The following DOCK3 variants were observed in gnomAD, a reference collection of about 807,000 sequenced individuals.
The protein encoded by DOCK3 is dedicator of cytokinesis 3.
Under a neutral mutation model 265.6 loss-of-function variants are expected in DOCK3, and 60 were observed. The ratio of observed to expected loss-of-function variants is 0.23; its 90% confidence interval spans 0.18 to 0.28. The LOEUF is 0.28. Among genes scored for constraint, DOCK3 ranks in the 10% least tolerant of loss-of-function variants. The pLI is 1.00. For missense variants in DOCK3, 1,981 were observed against 2,594.3 expected (o/e 0.76, Z 5.14); for synonymous variants, 881 against 938.0 (o/e 0.94, Z 1.11).
chr3:50,938,966 A>C (rs2051547448), intron 5 of DOCK3, among the ~76,000 whole-genome samples: 1 of 151,884 alleles, frequency 6.6e-6, no homozygotes, highest in African/African-American at 2.4e-5. Flanking sequence ...GAAATTTAAA[A>C]AATAGAAAAG....
At chr3:50,790,199 A>T (rs2042394884) in intron 2 of DOCK3, among the ~76,000 whole-genome samples, 1 of 152,014 alleles carries the variant, frequency 6.6e-6, no homozygotes, top group African/African-American at 2.4e-5. Flanking sequence ...ATGAGTCCTT[A>T]TATGTTAGGT....
At position 50,854,592 on chromosome 3, in the gene DOCK3, G is replaced by GTTTTTTTTTTT. The variant is rs71084118; in HGVS notation, c.162+12885_162+12895dup. On this transcript the variant is annotated intron_variant, in intron 3 of 52. Coordinates refer to ENST00000266037, the MANE Select transcript of DOCK3 (RefSeq NM_004947.5). ...GCTACAGATGAGCACCATCACACCA[G>GTTTTTTTTTTT]TTTTTTTTTTTTTTTTTTGGTGGTC... Among the ~76,000 whole-genome samples the GTTTTTTTTTTT allele has an allele frequency of 1.6e-3, 76 of 47,214 alleles. 30 individuals carry two copies. Among genetic ancestry groups the GTTTTTTTTTTT allele is most frequent in the South Asian group, 2.8e-3 (2 of 704 alleles). 31.0% of individuals were successfully genotyped at this position (47,214 alleles called of 152,430 possible). A position where few individuals can be genotyped will look rare whatever the true frequency, so the allele number is the denominator to read the frequency against.
At chr3:51,283,960 G>C (rs2081278648) in intron 27 of DOCK3, among the ~76,000 whole-genome samples, 1 of 152,058 alleles carries the variant, frequency 6.6e-6, no homozygotes, top group Non-Finnish European at 1.5e-5. Flanking sequence ...CTACTTGGTG[G>C]TCTGGCTTCT....
intron 4 of DOCK3, among the ~76,000 whole-genome samples, chr3:50,919,983 CCTTTTCTGCAT>C (rs2050349836): frequency 6.6e-6 from 1 of 152,062 alleles, no homozygotes; most frequent in South Asian, 2.1e-4. Flanking sequence ...TTGTCAAAGG[CCTTTTCTGCAT>C]CTATTGAGAT....
intron 3 of DOCK3, among the ~76,000 whole-genome samples, chr3:50,857,833 G>C (rs1056520489): frequency 1.3e-5 from 2 of 152,222 alleles, no homozygotes; most frequent in African/African-American, 4.8e-5. Context: ...GTTGGTGGGA[G>C]TGTAAACTAG....
At chr3:51,167,723 T>G (rs1405497761) in intron 12 of DOCK3, among the ~76,000 whole-genome samples, 1 of 152,208 alleles carries the variant, frequency 6.6e-6, no homozygotes, top group Non-Finnish European at 1.5e-5. Flanking sequence ...TAAATGACAT[T>G]GTTTTCTTAA....
intron 27 of DOCK3, among the ~76,000 whole-genome samples, chr3:51,300,946 T>C (rs980038624): frequency 3.3e-5 from 5 of 152,214 alleles, no homozygotes; most frequent in African/African-American, 1.2e-4. Context: ...GTCCATCCTT[T>C]TCAGTTGCTT....
chr3:51,223,495 G>A (rs1466629243), intron 14 of DOCK3, among the ~76,000 whole-genome samples: 1 of 151,904 alleles, frequency 6.6e-6, no homozygotes, highest in Non-Finnish European at 1.5e-5. Flanking sequence ...TTTAGATTAA[G>A]CATTAAAATT....
rs151125907 is a variant in DOCK3 at position 50,851,454 on chromosome 3, G to A, written c.162+9739G>A. ...CAAATGCCTGGAGATCTTCCTGGGC[G>A]TGGAGTGGAGAAGGTCTTGCTGCAC... On this transcript the variant is annotated intron_variant, in intron 3 of 52. Coordinates refer to ENST00000266037, the MANE Select transcript of DOCK3 (RefSeq NM_004947.5). 2.1e-3 allele frequency among the ~76,000 whole-genome samples: 327 copies of A among 152,260 alleles called. 2 individuals carry two copies. The highest frequency in any genetic ancestry group is 0.02 in the Middle Eastern group (6 of 294).
chr3:50,702,385 A>G (rs1034393150), intron 1 of DOCK3, among the ~76,000 whole-genome samples: 5 of 151,450 alleles, frequency 3.3e-5, no homozygotes, highest in African/African-American at 7.3e-5. Context: ...TTTTTTTTAG[A>G]TAGAGTCTTG....
At chr3:51,319,036 C>T (rs2083524104) in intron 32 of DOCK3, among the ~76,000 whole-genome samples, 1 of 151,990 alleles carries the variant, frequency 6.6e-6, no homozygotes, top group Non-Finnish European at 1.5e-5. Context: ...CTATATATCT[C>T]TTATTTTTCT....
chr3:50,991,500 A>G (rs1464680715), intron 5 of DOCK3, among the ~76,000 whole-genome samples: 1 of 152,250 alleles, frequency 6.6e-6, no homozygotes. Flanking sequence ...CAAGGGCATT[A>G]TATCATCATA....
At chr3:51,152,757 T>A (rs4422345) in intron 10 of DOCK3, among the ~76,000 whole-genome samples, 138,830 of 152,274 alleles carry the variant, frequency 0.91, 63,438 homozygotes, top group African/African-American at 0.95. Context: ...CAAGTCCCTC[T>A]GCTGCAGGTC....
At chr3:50,911,165 A>T (rs1178767395) in intron 4 of DOCK3, among the ~76,000 whole-genome samples, 1 of 151,962 alleles carries the variant, frequency 6.6e-6, no homozygotes, top group Non-Finnish European at 1.5e-5. Context: ...TTAGCTTGTT[A>T]TCATCCCATT....
intron 12 of DOCK3, among the ~76,000 whole-genome samples, chr3:51,180,341 A>G (rs2087217124): frequency 6.6e-6 from 1 of 152,128 alleles, no homozygotes; most frequent in African/African-American, 2.4e-5. Flanking sequence ...CTTCTGTAGC[A>G]TATCACAAAT....
At chr3:50,749,821 G>A (rs936614610) in intron 1 of DOCK3, among the ~76,000 whole-genome samples, 1 of 152,204 alleles carries the variant, frequency 6.6e-6, no homozygotes, top group African/African-American at 2.4e-5. Context: ...TTAAGGTAGT[G>A]TTTAACTGAC....
In DOCK3 at chr3:51,123,087, A is replaced by G. The variant is rs540935555; in HGVS notation, c.747-23462A>G. Among the ~76,000 whole-genome samples the G allele has an allele frequency of 1.7e-4, 26 of 152,206 alleles. No homozygotes were observed. In the South Asian group the frequency reaches 4.6e-3, roughly 27 times the overall value. On this transcript the variant is annotated intron_variant, in intron 9 of 52. Transcript: ENST00000266037. ...CATTTTATCCACCTACTCTGGCTCC[A>G]CACTTTGCTCCTGACCAGGGTGTGG...
At chr3:50,762,462 A>T (rs1452648854) in intron 1 of DOCK3, among the ~76,000 whole-genome samples, 1 of 152,148 alleles carries the variant, frequency 6.6e-6, no homozygotes, top group African/African-American at 2.4e-5. Context: ...TATGGTGGTC[A>T]TTGTGCACGT....
At chr3:50,862,804 G>A (rs1438967911) in intron 3 of DOCK3, among the ~76,000 whole-genome samples, 3 of 152,084 alleles carry the variant, frequency 2.0e-5, no homozygotes, top group African/African-American at 4.8e-5. Flanking sequence ...GTAGGGAGGG[G>A]GAGTTGGACC....
Sources: allele counts gnomAD v4.1 joint callset (sites outside exome capture counted in the v4.1 genomes callset), GRCh38; gene constraint gnomAD v4.1.1; transcripts MANE v1.5; gene names NCBI Gene and HGNC (gene_info 2026-07-23, HGNC 2026-07-21).